The following EYS variants were observed in gnomAD, a reference collection of about 807,000 sequenced individuals.
EYS encodes EGF-like photoreceptor maintenance factor.
In EYS, 250 loss-of-function variants were observed where a neutral mutation model predicts 282.1. The ratio of observed to expected loss-of-function variants is 0.89; its 90% CI spans 0.80 to 0.98. The LOEUF (loss-of-function observed/expected upper bound fraction) is 0.98, where lower values mean the gene tolerates loss of function less well. Among genes scored for constraint, EYS ranks in the 50% least tolerant of loss-of-function variants. EYS has a pLI of 0.00. For missense variants in EYS, 4,016 were observed against 3,709.0 expected, an observed-to-expected ratio of 1.08 and a Z score of -2.15; for synonymous variants, 1,355 against 1,282.9, an observed-to-expected ratio of 1.06 and a Z score of -1.20.
intron 22 of EYS, among the ~76,000 whole-genome samples, chr6:64,750,996 T>C (rs553757371): frequency 6.6e-6 from 1 of 152,148 alleles, no homozygotes; most frequent in South Asian, 2.1e-4. Flanking sequence ...GAGCACCTAT[T>C]CTTCTAGATT....
chr6:64,815,599 G>A (rs1764723115), intron 21 of EYS, among the ~76,000 whole-genome samples: 1 of 151,992 alleles, frequency 6.6e-6, no homozygotes, highest in East Asian at 1.9e-4. Context: ...TTAAAAGGAT[G>A]CCTTTCGTTT....
intron 12 of EYS, among the ~76,000 whole-genome samples, chr6:65,178,270 C>A (rs1329318829): frequency 6.6e-6 from 1 of 151,902 alleles, no homozygotes; most frequent in Non-Finnish European, 1.5e-5. Flanking sequence ...CCTGTTGCTC[C>A]CTTGCAACGT....
At chr6:64,764,002 T>C (rs1583130007) in intron 22 of EYS, among the ~76,000 whole-genome samples, 1 of 152,078 alleles carries the variant, frequency 6.6e-6, no homozygotes, top group Non-Finnish European at 1.5e-5. Flanking sequence ...CTCTGCAGGG[T>C]ACAGCTCCTC....
chr6:63,800,665 C>T (rs1361939905), intron 37 of EYS, among the ~76,000 whole-genome samples: 2 of 152,036 alleles, frequency 1.3e-5, no homozygotes, highest in African/African-American at 4.8e-5. Context: ...CCTAGCTGGG[C>T]GTGGTGGTGG....
At chr6:65,175,574 A>T (rs943773381) in intron 12 of EYS, among the ~76,000 whole-genome samples, 1 of 151,522 alleles carries the variant, frequency 6.6e-6, no homozygotes, top group Non-Finnish European at 1.5e-5. Context: ...ATAAGTGACC[A>T]GACAGGAAAT....
chr6:63,940,240 T>C (rs1765191794), intron 35 of EYS, among the ~76,000 whole-genome samples: 1 of 152,132 alleles, frequency 6.6e-6, no homozygotes, highest in African/African-American at 2.4e-5. Context: ...AATTGCTTGC[T>C]ATGTACCATA....
chr6:65,235,013 A>G (rs886750847), intron 12 of EYS, among the ~76,000 whole-genome samples: 2 of 152,208 alleles, frequency 1.3e-5, no homozygotes, highest in African/African-American at 4.8e-5. Context: ...GGCTAAAGCC[A>G]TATTAGGGGT....
intron 13 of EYS, among the ~76,000 whole-genome samples, chr6:65,033,859 G>A (rs563891123): frequency 6.6e-6 from 1 of 152,146 alleles, no homozygotes; most frequent in East Asian, 1.9e-4. Flanking sequence ...ACCCCAGAAA[G>A]GTAGATCCAC....
chr6:63,916,919 C>T (rs1298979536), intron 35 of EYS, among the ~76,000 whole-genome samples: 1 of 152,140 alleles, frequency 6.6e-6, no homozygotes, highest in African/African-American at 2.4e-5. Context: ...ATTTACCCCA[C>T]AGGAACAATT....
At chr6:65,653,906 A>G (rs2149820897) in intron 1 of EYS, among the ~76,000 whole-genome samples, 1 of 152,012 alleles carries the variant, frequency 6.6e-6, no homozygotes, top group East Asian at 1.9e-4. Context: ...CAGAAGCAAA[A>G]ATATGTCTGT....
At chr6:63,767,832 A>G (rs2149659104) in intron 40 of EYS, among the ~76,000 whole-genome samples, 1 of 152,294 alleles carries the variant, frequency 6.6e-6, no homozygotes, top group Non-Finnish European at 1.5e-5. Context: ...CTATACTACA[A>G]GCCTACAGTA....
chr6:65,007,030 T>C (rs1440960325), intron 13 of EYS, among the ~76,000 whole-genome samples: 1 of 152,160 alleles, frequency 6.6e-6, no homozygotes, highest in Non-Finnish European at 1.5e-5. Flanking sequence ...TCACCCTGAG[T>C]GCAAAGGCAA....
At chr6:64,440,769 G>A (rs1774913227) in intron 26 of EYS, among the ~76,000 whole-genome samples, 1 of 151,864 alleles carries the variant, frequency 6.6e-6, no homozygotes, top group Non-Finnish European at 1.5e-5. Context: ...AGCATAAAAT[G>A]TTTTCAAAAA....
chr6:65,481,379 CTT>C (rs2127255310), intron 5 of EYS, among the ~76,000 whole-genome samples: 1 of 152,242 alleles, frequency 6.6e-6, no homozygotes, highest in South Asian at 2.1e-4. Context: ...GCATTCAGCT[CTT>C]TTCATTTTAT....
At chr6:63,738,422 T>C (rs1768982555) in intron 41 of EYS, among the ~76,000 whole-genome samples, 1 of 151,706 alleles carries the variant, frequency 6.6e-6, no homozygotes, top group Non-Finnish European at 1.5e-5. Flanking sequence ...AAATGATGAG[T>C]TCATGTCCTT....
intron 12 of EYS, among the ~76,000 whole-genome samples, chr6:65,138,105 G>A (rs1248124781): frequency 1.3e-5 from 2 of 152,054 alleles, no homozygotes; most frequent in Non-Finnish European, 2.9e-5. Flanking sequence ...GCCAAGGACA[G>A]TACCGATATC....
At chr6:64,572,264 T>C (rs1211050006) in intron 26 of EYS, among the ~76,000 whole-genome samples, 1 of 152,192 alleles carries the variant, frequency 6.6e-6, no homozygotes, top group Non-Finnish European at 1.5e-5. Flanking sequence ...TAGGTATTGA[T>C]GGAACGTATC....
chr6:64,934,203 C>A, intron 15 of EYS, among the ~76,000 whole-genome samples: 1 of 150,298 alleles, frequency 6.7e-6, no homozygotes, highest in African/African-American at 2.4e-5. Flanking sequence ...CTTAATTTGG[C>A]AGAAGAAAGA....
intron 12 of EYS, among the ~76,000 whole-genome samples, chr6:65,278,537 T>C (rs1344449792): frequency 6.6e-6 from 1 of 151,870 alleles, no homozygotes; most frequent in Admixed American, 6.6e-5. Context: ...TTGACTCTAC[T>C]TTTTATTTCT....
Sources: gnomAD v4.1 joint callset for allele counts (sites outside exome capture counted in the v4.1 genomes callset) on GRCh38, gnomAD v4.1.1 for gene constraint, MANE v1.5 for transcripts, NCBI Gene and HGNC (gene_info 2026-07-23, HGNC 2026-07-21) for gene names.